KALRN: variants seen among roughly 807,000 people sequenced by gnomAD.
The protein encoded by KALRN is kalirin RhoGEF kinase, also known as kalirin.
KALRN carries 70 observed loss-of-function variants against 353.7 expected under a neutral mutation model. The observed-to-expected ratio is 0.20, with a 90% CI of 0.16 to 0.24. The LOEUF (loss-of-function observed/expected upper bound fraction) is 0.24, where lower values mean the gene tolerates loss of function less well. KALRN is among the 10% of genes least tolerant of loss of function. The pLI is 1.00. For synonymous variants in KALRN, 1,391 were observed against 1,434.8 expected (o/e 0.97, Z 0.69); for missense variants, 2,791 against 3,756.7 (o/e 0.74, Z 6.72).
At chr3:124,665,312 G>T (rs571019057) in intron 45 of KALRN, among the ~76,000 whole-genome samples, 1 of 152,168 alleles carries the variant, frequency 6.6e-6, no homozygotes, top group Non-Finnish European at 1.5e-5. Context: ...TCTGGGTTGG[G>T]CCATATTCCC....
rs772496466 is a variant in KALRN, at chr3:124,325,972, C to G, written c.1093-8C>G. On this transcript the variant is annotated splice_region_variant and splice_polypyrimidine_tract_variant and intron_variant, in intron 6 of 59. Transcript: ENST00000682506. ...CTGCCCCACTGAGCACTCTCCTTTT[C>G]TTTCCAGAATGCCTATGTCAACATC... 2 of 1,609,780 alleles carry G rather than the reference C, an allele frequency of 1.2e-6. No individual in the cohort carries two copies. The highest frequency in any genetic ancestry group is 2.2e-5 in the South Asian group (2 of 90,018).
intron 25 of KALRN, among the ~76,000 whole-genome samples, chr3:124,472,170 C>T (rs763142397): frequency 2.0e-5 from 3 of 152,074 alleles, no homozygotes; most frequent in African/African-American, 7.2e-5. Context: ...AATAAAATTG[C>T]CAGCACTGTC....
intron 7 of KALRN, among the ~76,000 whole-genome samples, chr3:124,327,317 A>G (rs1322063406): frequency 6.6e-6 from 1 of 152,208 alleles, no homozygotes. Flanking sequence ...TCCTTGATGA[A>G]CAAGTGATGT....
intron 10 of KALRN, among the ~76,000 whole-genome samples, chr3:124,361,810 G>A (rs1479782688): frequency 6.7e-6 from 1 of 150,240 alleles, no homozygotes; most frequent in African/African-American, 2.5e-5. Context: ...GGCAGCAGTG[G>A]GGGTGGGGAG....
At chr3:124,260,342 G>C (rs569228509) in intron 3 of KALRN, among the ~76,000 whole-genome samples, 5 of 152,266 alleles carry the variant, frequency 3.3e-5, no homozygotes, top group African/African-American at 1.2e-4. Flanking sequence ...CAGCACAGTA[G>C]ACCAGCCTCC....
intron 29 of KALRN, chr3:124,488,718 C>T (rs1258845912): frequency 1.9e-5 from 3 of 159,218 alleles, no homozygotes; most frequent in Non-Finnish European, 2.7e-5. Context: ...GACACACATA[C>T]ACACAAAACA....
At chr3:124,562,408 G>C (rs544229890) in intron 33 of KALRN, among the ~76,000 whole-genome samples, 1 of 152,128 alleles carries the variant, frequency 6.6e-6, no homozygotes, top group African/African-American at 2.4e-5. Context: ...TCTGAGGGTG[G>C]TAGTCAGGGC....
At chr3:124,115,926 G>A (rs2063415037) in intron 1 of KALRN, among the ~76,000 whole-genome samples, 1 of 152,212 alleles carries the variant, frequency 6.6e-6, no homozygotes, top group Non-Finnish European at 1.5e-5. Flanking sequence ...AACAAAAATG[G>A]GGATGCATTT....
intron 1 of KALRN, among the ~76,000 whole-genome samples, chr3:124,191,350 C>T (rs980532298): frequency 6.6e-6 from 1 of 152,182 alleles, no homozygotes; most frequent in African/African-American, 2.4e-5. Flanking sequence ...AAGTCCCAAC[C>T]TTCTAATCAT....
chr3:124,522,706 A>T (rs1049610908), intron 33 of KALRN, among the ~76,000 whole-genome samples: 1 of 152,226 alleles, frequency 6.6e-6, no homozygotes, highest in African/African-American at 2.4e-5. Flanking sequence ...TTCCCAGGTA[A>T]TGCTGGTGGT....
chr3:124,682,221 C>T lies in KALRN; in HGVS notation c.7377+2704C>T, dbSNP rs181429290. On this transcript the variant is annotated intron_variant, in intron 51 of 59. Coordinates refer to ENST00000682506, the MANE Select transcript of KALRN (RefSeq NM_001388419.1). The stretch of plus-strand genomic sequence containing the variant: ...CAAATTGAAATATAGGTGAGCAGGC[C>T]ACCTCTTGAAGGCCTCTCACTATTC... Among the ~76,000 whole-genome samples the T allele has an allele frequency of 1.9e-3, 282 of 152,226 alleles. 1 individual carries two copies. The highest frequency in any genetic ancestry group is 6.2e-3 in the African/African-American group (258 of 41,536).
rs370871669 is a variant in KALRN, at chr3:124,495,953, A to ATG, written c.4833-354_4833-353dup. Among the ~76,000 whole-genome samples the ATG allele has an allele frequency of 4.0e-3, 190 of 47,490 alleles. 1 individual carries two copies. Among genetic ancestry groups the ATG allele is most frequent in the Non-Finnish European group, 5.6e-3 (154 of 27,380 alleles). 31.2% of individuals were successfully genotyped at this position (47,490 alleles called of 152,430 possible). On this transcript the variant is annotated intron_variant, in intron 32 of 59. Transcript: ENST00000682506. ...TACAGACCCGTTCCCAAGTGTGTGTATGTGTATGTATGTATATATATATAT... is the reference window on the plus strand; with the variant it reads ...TACAGACCCGTTCCCAAGTGTGTGTATGTGTGTATGTATGTATATATATATAT...
chr3:124,645,658 C>CG (rs1559756793), intron 37 of KALRN, among the ~76,000 whole-genome samples: 84 of 74,332 alleles, frequency 1.1e-3, no homozygotes, highest in African/African-American at 2.0e-3. Context: ...CTCTCTCTCT[C>CG]TGTGCGTGTG....
At chr3:124,525,933 G>A (rs2067553309) in intron 33 of KALRN, among the ~76,000 whole-genome samples, 1 of 152,162 alleles carries the variant, frequency 6.6e-6, no homozygotes. Flanking sequence ...AGGGGTGGGA[G>A]GGGGACAGGG....
intron 29 of KALRN, 150 bp downstream of exon 29, chr3:124,488,465 G>A: frequency 1.6e-6 from 1 of 621,050 alleles, no homozygotes. Flanking sequence ...CTTGTCATGT[G>A]AGAGGGGCTC....
At chr3:124,673,242 A>G (rs1032686867) in intron 48 of KALRN, among the ~76,000 whole-genome samples, 2 of 151,970 alleles carry the variant, frequency 1.3e-5, no homozygotes, top group African/African-American at 4.8e-5. Flanking sequence ...AAAAAAAAAA[A>G]AAATTAGCCA....
chr3:124,206,831 T>C (rs1239151675), intron 1 of KALRN, among the ~76,000 whole-genome samples: 1 of 152,192 alleles, frequency 6.6e-6, no homozygotes, highest in Non-Finnish European at 1.5e-5. Flanking sequence ...GGGAATTTCA[T>C]GGGACTCTTC....
intron 3 of KALRN, among the ~76,000 whole-genome samples, chr3:124,263,894 A>G (rs1461700302): frequency 6.6e-6 from 1 of 152,162 alleles, no homozygotes; most frequent in Non-Finnish European, 1.5e-5. Flanking sequence ...AATGGGGAAA[A>G]CATGATTCAT....
At chr3:124,534,457 G>A (rs928107427) in intron 33 of KALRN, among the ~76,000 whole-genome samples, 3 of 152,156 alleles carry the variant, frequency 2.0e-5, no homozygotes, top group Non-Finnish European at 4.4e-5. Context: ...GGGTTGACAA[G>A]TGCAGCAAAC....
Sources: gnomAD v4.1 joint callset for allele counts (sites outside exome capture counted in the v4.1 genomes callset) on GRCh38, gnomAD v4.1.1 for gene constraint, MANE v1.5 for transcripts, NCBI Gene and HGNC (gene_info 2026-07-23, HGNC 2026-07-21) for gene names.